Variants in WDR17 observed in about 807,000 individuals in gnomAD.
The protein encoded by WDR17 is WD repeat domain 17, also known as WD repeat-containing protein 17.
A neutral mutation model predicts 161.7 loss-of-function variants in WDR17; 143 were observed. The observed-to-expected ratio is 0.88, with a 90% confidence interval of 0.77 to 1.02. The LOEUF (loss-of-function observed/expected upper bound fraction) is 1.02, where lower values mean the gene tolerates loss of function less well. WDR17 is among the 50% of genes least tolerant of loss of function. The probability of loss-of-function intolerance (pLI) is 0.00; values close to 1 mark genes in which losing one functional copy is unlikely to be tolerated. For missense variants in WDR17, 1,469 were observed against 1,520.9 expected (o/e 0.97, Z 0.57); for synonymous variants, 517 against 515.6 (o/e 1.00, Z -0.04).
intron 22 of WDR17, 163 bp from the exon 23 acceptor site, chr4:176,168,509 T>A (rs1202035719): frequency 1.8e-5 from 13 of 717,842 alleles, no homozygotes; most frequent in Non-Finnish European, 2.8e-5. Context: ...TTGGGTAATC[T>A]GCATTTACAG....
chr4:176,162,270 C>T, intron 21 of WDR17, 96 bp downstream of exon 21: 1 of 1,118,944 alleles, frequency 8.9e-7, no homozygotes. Flanking sequence ...TATGTGAGAT[C>T]TGGTTTTGCA....
At chr4:176,103,042 C>T (rs542211339) in intron 1 of WDR17, among the ~76,000 whole-genome samples, 5 of 152,120 alleles carry the variant, frequency 3.3e-5, no homozygotes, top group Non-Finnish European at 5.9e-5. Context: ...ATTGCACCTA[C>T]CTCCATGTTA....
chr4:176,174,427 G>A (rs1329477950), intron 25 of WDR17, among the ~76,000 whole-genome samples, 190 bp from the exon 26 acceptor site: 1 of 152,032 alleles, frequency 6.6e-6, no homozygotes, highest in Non-Finnish European at 1.5e-5. Flanking sequence ...CTAATTGATG[G>A]TATAGCATAA....
rs1488033026 is a variant in WDR17, at chr4:176,182,509, T to G, written c.*2930T>G. ...CTGTATTTTGTTGTCCTTATAACATTTATATTATTTCAGTTTTAAGTCAAA... is the reference window on the plus strand; with the variant it reads ...CTGTATTTTGTTGTCCTTATAACATGTATATTATTTCAGTTTTAAGTCAAA... On this transcript the variant is annotated 3_prime_UTR_variant, in exon 29 of 29. Transcript: ENST00000508596. This position sits in a 1 kb window ranked among gnomAD's most constrained non-coding sequence, Gnocchi z 4.2. 1 of 151,792 alleles carries G rather than the reference T, an allele frequency of 6.6e-6. No individual in the cohort carries two copies. The highest frequency in any genetic ancestry group is 1.9e-4 in the East Asian group (1 of 5,186). The allele number at this position is 151,792 out of a possible 1,614,324, so 9.4% of individuals were successfully genotyped here. A position where few individuals can be genotyped will look rare whatever the true frequency, so the allele number is the denominator to read the frequency against.
At chr4:176,070,277 T>G (rs1331629868) in intron 1 of WDR17, among the ~76,000 whole-genome samples, 4 of 152,174 alleles carry the variant, frequency 2.6e-5, no homozygotes, top group Non-Finnish European at 4.4e-5. Context: ...ATTCATTAGC[T>G]CATGTTTAGG....
intron 1 of WDR17, among the ~76,000 whole-genome samples, chr4:176,107,173 T>A (rs1738885775): frequency 6.6e-6 from 1 of 151,934 alleles, no homozygotes; most frequent in Non-Finnish European, 1.5e-5. Flanking sequence ...AAATGGCTGA[T>A]AAGCACATGA....
intron 22 of WDR17, among the ~76,000 whole-genome samples, chr4:176,168,195 C>T (rs1750173604): frequency 6.6e-6 from 1 of 151,994 alleles, no homozygotes; most frequent in Non-Finnish European, 1.5e-5. Flanking sequence ...TTAATTTCCA[C>T]TTATCATGTA....
intron 23 of WDR17, among the ~76,000 whole-genome samples, chr4:176,171,135 C>T (rs1167475735): frequency 1.3e-5 from 2 of 152,184 alleles, no homozygotes; most frequent in Non-Finnish European, 2.9e-5. Flanking sequence ...GTTGCTTTTA[C>T]ACTACCATAA....
intron 1 of WDR17, among the ~76,000 whole-genome samples, chr4:176,077,484 A>G (rs185077151): frequency 7.2e-5 from 11 of 152,184 alleles, no homozygotes; most frequent in Admixed American, 6.6e-4. Context: ...CGTAGTACCT[A>G]TGACACCGAT....
At chr4:176,121,783 T>C (rs900998883) in intron 4 of WDR17, among the ~76,000 whole-genome samples, 1 of 152,184 alleles carries the variant, frequency 6.6e-6, no homozygotes, top group African/African-American at 2.4e-5. Flanking sequence ...GACATAGAAA[T>C]AACAGAAAAG....
intron 1 of WDR17, among the ~76,000 whole-genome samples, chr4:176,109,429 C>T (rs1282942887): frequency 6.6e-6 from 1 of 151,988 alleles, no homozygotes; most frequent in Non-Finnish European, 1.5e-5. Flanking sequence ...TACATAAAAG[C>T]ACTCAAGATT....
chr4:176,116,833 T>G (rs950884090), intron 3 of WDR17, among the ~76,000 whole-genome samples: 3 of 151,916 alleles, frequency 2.0e-5, no homozygotes, highest in African/African-American at 7.2e-5. Context: ...TTTTGTAACT[T>G]TTAGACATAT....
At chr4:176,125,376 C>G (rs760156945) in intron 5 of WDR17, 21 bp downstream of exon 5, 1 of 1,609,898 alleles carries the variant, frequency 6.2e-7, no homozygotes, top group Non-Finnish European at 8.5e-7. Flanking sequence ...CCCCATAACC[C>G]AGAGTTTTAA....
At chr4:176,094,631 T>C (rs1736577683) in intron 1 of WDR17, among the ~76,000 whole-genome samples, 2 of 152,178 alleles carry the variant, frequency 1.3e-5, no homozygotes, top group Admixed American at 1.3e-4. Context: ...GTAAGTAAAC[T>C]ATTGCATTAG....
chr4:176,163,068 C>A, intron 21 of WDR17, 86 bp from the exon 22 acceptor site: 3 of 1,504,892 alleles, frequency 2.0e-6, no homozygotes, highest in South Asian at 1.1e-5. Context: ...GTTAATACTG[C>A]TTTATCTGCT....
At chr4:176,117,458 G>A (rs546419433) in intron 3 of WDR17, among the ~76,000 whole-genome samples, 1 of 152,096 alleles carries the variant, frequency 6.6e-6, no homozygotes. Context: ...TCGTAAAGAT[G>A]TAACACAAAG....
At chr4:176,072,636 T>G (rs35166873) in intron 1 of WDR17, among the ~76,000 whole-genome samples, 79,350 of 151,862 alleles carry the variant, frequency 0.52, 22,127 homozygotes, top group South Asian at 0.63. Context: ...ATTCCTTTCA[T>G]TTTTCTGCAT....
At chr4:176,165,559 A>T (rs1260366441) in intron 22 of WDR17, among the ~76,000 whole-genome samples, 3 of 152,200 alleles carry the variant, frequency 2.0e-5, no homozygotes, top group Non-Finnish European at 4.4e-5. Context: ...ACAGTCAATT[A>T]ACAGATATTT....
intron 1 of WDR17, among the ~76,000 whole-genome samples, chr4:176,100,896 G>T (rs913696976): frequency 1.3e-5 from 2 of 152,006 alleles, no homozygotes; most frequent in African/African-American, 4.8e-5. Context: ...ATTCACTGTA[G>T]ATATGTGGCT....
Sources: gnomAD v4.1 joint callset for allele counts (sites outside exome capture counted in the v4.1 genomes callset) on GRCh38, gnomAD v4.1.1 for gene constraint, Gnocchi (gnomAD v3.1) non-coding constraint, MANE v1.5 for transcripts, NCBI Gene and HGNC (gene_info 2026-07-23, HGNC 2026-07-21) for gene names.